ZBTB8OS: variants seen among roughly 807,000 people sequenced by gnomAD.
The protein encoded by ZBTB8OS is tRNA-splicing ligase-activating factor archease.
Under a neutral mutation model 29.3 loss-of-function variants are expected in ZBTB8OS, and 16 were observed. The observed-to-expected ratio is 0.55, with a 90% confidence interval of 0.37 to 0.83. ZBTB8OS has a LOEUF of 0.83. Ranked by LOEUF, ZBTB8OS falls within the 40% of genes least tolerant of loss-of-function variation. The probability of loss-of-function intolerance (pLI) is 0.00; values close to 1 mark genes in which losing one functional copy is unlikely to be tolerated. For missense variants in ZBTB8OS, 160 were observed against 196.9 expected (o/e 0.81, Z 1.12); for synonymous variants, 70 against 64.6 (o/e 1.08, Z -0.40).
At chr1:32,644,469 C>T (rs116240459) in intron 1 of ZBTB8OS, among the ~76,000 whole-genome samples, 5,819 of 151,866 alleles carry the variant, frequency 0.038, 227 homozygotes, top group East Asian at 0.11. Flanking sequence ...ATTACAGCCT[C>T]CCAAAGTGTT....
chr1:32,650,360 C>T, intron 1 of ZBTB8OS, 73 bp downstream of exon 1: 2 of 1,588,300 alleles, frequency 1.3e-6, no homozygotes, highest in Non-Finnish European at 1.7e-6. Context: ...GAAAGAGCAG[C>T]AGGAAGCCGC....
At chr1:32,636,244 C>T (rs915136893) in intron 1 of ZBTB8OS, among the ~76,000 whole-genome samples, 2 of 152,198 alleles carry the variant, frequency 1.3e-5, no homozygotes, top group Non-Finnish European at 2.9e-5. Context: ...TCCCCAAATG[C>T]TCAGGGAGAC....
intron 1 of ZBTB8OS, among the ~76,000 whole-genome samples, chr1:32,647,975 G>A (rs1186631994): frequency 6.6e-6 from 1 of 151,964 alleles, no homozygotes; most frequent in Non-Finnish European, 1.5e-5. Context: ...GGGGACCGCT[G>A]GTTAATGAAC....
intron 1 of ZBTB8OS, among the ~76,000 whole-genome samples, chr1:32,649,093 G>A (rs1179273131): frequency 2.1e-5 from 3 of 145,446 alleles, no homozygotes; most frequent in Admixed American, 7.0e-5. Context: ...TCAGCCTCCC[G>A]AGTAGCTGGG....
rs1182802754 is a variant in ZBTB8OS at position 32,621,641 on chromosome 1, G to C, written c.*221C>G. The stretch of plus-strand genomic sequence containing the variant: ...ATCAAAGGACCATAACTGTCCCTTG[G>C]GGGGTTGAAGAATTCTTTAAAGTGT... On this transcript the variant is annotated 3_prime_UTR_variant, in exon 7 of 7. Transcript: ENST00000468695. The C allele has an allele frequency of 4.5e-5, 23 of 506,576 alleles. No homozygotes were observed. The highest frequency in any genetic ancestry group is 2.8e-4 in the South Asian group (12 of 42,954). The allele number at this position is 506,576 out of a possible 1,614,324, so 31.4% of individuals were successfully genotyped here.
At chr1:32,635,641 C>A (rs1254356433) in intron 1 of ZBTB8OS, among the ~76,000 whole-genome samples, 1 of 152,154 alleles carries the variant, frequency 6.6e-6, no homozygotes, top group East Asian at 1.9e-4. Context: ...GAAGGAATTC[C>A]TGGAGATCAT....
intron 1 of ZBTB8OS, 42 bp from the exon 2 acceptor site, chr1:32,634,834 G>A (rs764916830): frequency 1.5e-6 from 2 of 1,306,700 alleles, no homozygotes; most frequent in South Asian, 1.2e-5. Flanking sequence ...CACTAAACTT[G>A]ACTCTCAAAT....
At chr1:32,632,665 T>C (rs1461478601) in intron 4 of ZBTB8OS, among the ~76,000 whole-genome samples, 1 of 152,144 alleles carries the variant, frequency 6.6e-6, no homozygotes, top group Non-Finnish European at 1.5e-5. Flanking sequence ...AGGAAATAAG[T>C]TTTTTCTTAC....
At chr1:32,623,998 T>C (rs557315587) in intron 6 of ZBTB8OS, among the ~76,000 whole-genome samples, 6 of 152,070 alleles carry the variant, frequency 3.9e-5, no homozygotes, top group African/African-American at 1.4e-4. Context: ...TTTCAGGAGA[T>C]CTGATGGTTT....
Position 32,631,844 on chromosome 1 carries a change from G to C in ZBTB8OS, c.363C>G (p.Phe121Leu), listed in dbSNP as rs774567250. ...AAACTTACCCAATTGATCGTAATTT[G>C]AAATTTCTTTGATCAATGCTAAGTA... Reference protein sequence around the residue: ...VKVLSIDQRNFKLRSIGWGEE... With the variant: ...VKVLSIDQRNLKLRSIGWGEE... Residue 121 changes from phenylalanine to leucine, a missense_variant, in exon 5 of 7, where the codon TTC (phenylalanine) becomes TTG (leucine). Transcript: ENST00000468695. 1 of 1,595,350 alleles carries C rather than the reference G, an allele frequency of 6.3e-7. No individual in the cohort carries two copies. Among genetic ancestry groups the C allele is most frequent in the Admixed American group, 1.7e-5 (1 of 57,186 alleles).
intron 5 of ZBTB8OS, among the ~76,000 whole-genome samples, chr1:32,629,520 A>G (rs1016592753): frequency 3.9e-5 from 6 of 152,190 alleles, no homozygotes; most frequent in African/African-American, 1.2e-4. Flanking sequence ...GCAAAATACT[A>G]GACTCTATAA....
At chr1:32,630,474 AC>A in intron 5 of ZBTB8OS, among the ~76,000 whole-genome samples, 1 of 152,094 alleles carries the variant, frequency 6.6e-6, no homozygotes, top group East Asian at 1.9e-4. Flanking sequence ...GATCACTTGA[AC>A]CCAGGAGTTC....
intron 1 of ZBTB8OS, among the ~76,000 whole-genome samples, chr1:32,637,433 T>G (rs995281599): frequency 5.3e-5 from 8 of 151,376 alleles, no homozygotes; most frequent in Non-Finnish European, 8.8e-5. Flanking sequence ...CTGGGCGTGG[T>G]GGCACCCGCC....
At position 32,644,027 on chromosome 1, in the gene ZBTB8OS, T is replaced by C. The variant is rs908142306; in HGVS notation, c.97+6406A>G. On this transcript the variant is annotated intron_variant, in intron 1 of 6. Coordinates refer to ENST00000468695, the MANE Select transcript of ZBTB8OS (RefSeq NM_178547.5). ...ATTCTCTCGGCCCCAAGGAAGGGGC[T>C]TGATTAACTTTTATACCTTGGTTTA... is the stretch of plus-strand genomic sequence containing the variant. Among the ~76,000 whole-genome samples the C allele has an allele frequency of 4.6e-5, 7 of 151,836 alleles. 1 individual carries two copies. The highest frequency in any genetic ancestry group is 8.8e-5 in the Non-Finnish European group (6 of 67,988).
intron 1 of ZBTB8OS, among the ~76,000 whole-genome samples, 188 bp from the exon 2 acceptor site, chr1:32,634,980 C>CT (rs34395011): frequency 1.2e-3 from 181 of 145,126 alleles, no homozygotes; most frequent in African/African-American, 1.4e-3. Context: ...TTGTTGGAAT[C>CT]TTTTTTTTTT....
intron 1 of ZBTB8OS, among the ~76,000 whole-genome samples, chr1:32,641,647 C>T (rs1444050291): frequency 2.0e-5 from 3 of 148,862 alleles, no homozygotes; most frequent in South Asian, 2.1e-4. Flanking sequence ...GGCACGGTGG[C>T]TCACACCTGT....
chr1:32,629,749 CTTTT>C (rs869185319), intron 5 of ZBTB8OS, among the ~76,000 whole-genome samples: 5,064 of 113,984 alleles, frequency 0.044, 94 homozygotes, highest in East Asian at 0.12. Context: ...ATGCTTGTTT[CTTTT>C]TTTTTTTTTT....
chr1:32,634,736 G>A, intron 2 of ZBTB8OS, 32 bp downstream of exon 2: 1 of 1,613,738 alleles, frequency 6.2e-7, no homozygotes, highest in Non-Finnish European at 8.5e-7. Flanking sequence ...TACTGACGTG[G>A]TTTCAAAGGA....
intron 4 of ZBTB8OS, among the ~76,000 whole-genome samples, chr1:32,633,086 T>C (rs781008791): frequency 2.6e-5 from 4 of 152,248 alleles, no homozygotes; most frequent in Non-Finnish European, 5.9e-5. Context: ...CAATCTCCAT[T>C]TGGCTTTTCC....
Sources: gnomAD v4.1 joint callset for allele counts (sites outside exome capture counted in the v4.1 genomes callset) on GRCh38, gnomAD v4.1.1 for gene constraint, MANE v1.5 for transcripts, NCBI Gene and HGNC (gene_info 2026-07-23, HGNC 2026-07-21) for gene names.